Variants in NRG1 observed in about 807,000 individuals in gnomAD.
NRG1 encodes the protein pro-neuregulin-1, membrane-bound isoform.
NRG1 carries 18 observed loss-of-function variants against 63.8 expected under a neutral mutation model. That is an observed-to-expected ratio of 0.28 (90% CI 0.19 to 0.42). The LOEUF (loss-of-function observed/expected upper bound fraction) is 0.42. Ranked by LOEUF, NRG1 falls within the 10% of genes least tolerant of loss-of-function variation. NRG1 has a pLI of 1.00. For synonymous variants in NRG1, 302 were observed against 301.3 expected (o/e 1.00, Z -0.02); for missense variants, 762 against 814.7 (o/e 0.94, Z 0.79).
intron 1 of NRG1, among the ~76,000 whole-genome samples, chr8:32,213,187 CA>C (rs1844862396): frequency 6.6e-6 from 1 of 152,080 alleles, no homozygotes. Context: ...GCACTCTTCA[CA>C]ATAGCAAAGA....
At chr8:32,190,849 G>C (rs560672012) in intron 1 of NRG1, among the ~76,000 whole-genome samples, 47 of 152,292 alleles carry the variant, frequency 3.1e-4, no homozygotes, top group African/African-American at 1.1e-3. Context: ...GTCCCATGGG[G>C]CAAAGGGAAG....
chr8:31,978,997 A>C (rs1246918605), intron 1 of NRG1, among the ~76,000 whole-genome samples: 1 of 152,152 alleles, frequency 6.6e-6, no homozygotes, highest in Non-Finnish European at 1.5e-5. Flanking sequence ...GCCTTCAGTG[A>C]CTTTGATAAC....
intron 1 of NRG1, among the ~76,000 whole-genome samples, chr8:32,496,543 T>C (rs1227203164): frequency 2.0e-5 from 3 of 152,058 alleles, no homozygotes; most frequent in African/African-American, 7.2e-5. Context: ...TGAGCTATGA[T>C]TGAGCCACTG....
At chr8:31,888,957 G>C (rs1563529723) in intron 1 of NRG1, among the ~76,000 whole-genome samples, 1 of 152,128 alleles carries the variant, frequency 6.6e-6, no homozygotes, top group Non-Finnish European at 1.5e-5. Flanking sequence ...TGGTTTTTCA[G>C]GGTGAAGCAT....
chr8:31,929,993 A>G (rs1834734126), intron 1 of NRG1, among the ~76,000 whole-genome samples: 1 of 152,146 alleles, frequency 6.6e-6, no homozygotes, highest in Non-Finnish European at 1.5e-5. Context: ...TTCTCCAGGC[A>G]GTATGCCTTG....
Position 31,910,491 on chromosome 8 carries a change from A to G in NRG1, c.37+271060A>G, listed in dbSNP as rs185663917. 1.3e-3 allele frequency among the ~76,000 whole-genome samples: 194 copies of G among 152,290 alleles called. 1 individual carries two copies. In the East Asian group the frequency reaches 0.015, roughly 11 times the overall value. ...TATATGAGTGGAAGAGACATGAAAA[A>G]GACCAGTTAGAAGGCTACCAGAACA... On this transcript the variant is annotated intron_variant, in intron 1 of 10. Transcript: ENST00000519301.
rs191554081 is a variant in NRG1, at chr8:32,288,746, G to C, written c.38-307082G>C. The stretch of plus-strand genomic sequence containing the variant: ...TGCATCGTCAGCGTGAGGAAGGGGA[G>C]GGGGAGGTAAGATTCTGGACAGCTG... On this transcript the variant is annotated intron_variant, in intron 1 of 10. Coordinates refer to the NRG1 transcript ENST00000519301. Among the ~76,000 whole-genome samples, 6 of 152,260 alleles carry C rather than the reference G, an allele frequency of 3.9e-5. No individual in the cohort carries two copies. The East Asian group carries it at 7.7e-4, about 20-fold the overall frequency.
chr8:32,640,820 G>T (rs191731056), intron 5 of NRG1, among the ~76,000 whole-genome samples: 3 of 152,108 alleles, frequency 2.0e-5, no homozygotes, highest in Admixed American at 2.0e-4. Flanking sequence ...ATATCGGCAG[G>T]CGTGGTGGCT....
chr8:31,718,856 G>A (rs949032777), intron 1 of NRG1, among the ~76,000 whole-genome samples: 1 of 152,134 alleles, frequency 6.6e-6, no homozygotes, highest in Non-Finnish European at 1.5e-5. Flanking sequence ...TGTTTATATT[G>A]TAGGTTCTTG....
At chr8:32,508,333 C>T (rs1010212189) in intron 1 of NRG1, among the ~76,000 whole-genome samples, 7 of 151,862 alleles carry the variant, frequency 4.6e-5, no homozygotes, top group South Asian at 4.2e-4. Flanking sequence ...CACTGTCGCC[C>T]GGGCTGGAGT....
chr8:31,743,887 C>G (rs1219369108), intron 1 of NRG1, among the ~76,000 whole-genome samples: 1 of 151,820 alleles, frequency 6.6e-6, no homozygotes, highest in Non-Finnish European at 1.5e-5. Context: ...AAATGTGGTG[C>G]CTTACCTTGG....
At chr8:32,702,840 A>G (rs1194521166) in intron 5 of NRG1, among the ~76,000 whole-genome samples, 1 of 152,170 alleles carries the variant, frequency 6.6e-6, no homozygotes, top group Non-Finnish European at 1.5e-5. Context: ...GGGAGGAGTC[A>G]AGAAAATGAG....
intron 1 of NRG1, among the ~76,000 whole-genome samples, chr8:32,508,294 CA>C (rs1210549697): frequency 4.9e-5 from 5 of 102,998 alleles, no homozygotes; most frequent in Admixed American, 1.8e-4. Flanking sequence ...ATATAAGGGC[CA>C]TTTTTTTTTT....
chr8:32,503,721 C>T (rs1009564262), intron 1 of NRG1, among the ~76,000 whole-genome samples: 2 of 152,182 alleles, frequency 1.3e-5, no homozygotes, highest in Admixed American at 1.3e-4. Context: ...AGCATCCTTA[C>T]ATCTTGCCTC....
intron 5 of NRG1, among the ~76,000 whole-genome samples, chr8:32,649,404 T>G (rs1057499593): frequency 1.3e-5 from 2 of 152,216 alleles, no homozygotes; most frequent in Non-Finnish European, 2.9e-5. Flanking sequence ...AGTTTATTTT[T>G]GTTGTCTCTA....
intron 1 of NRG1, among the ~76,000 whole-genome samples, chr8:32,542,903 G>A (rs1832712344): frequency 6.6e-6 from 1 of 152,148 alleles, no homozygotes; most frequent in African/African-American, 2.4e-5. Context: ...TTAGTGAAGA[G>A]GCATAAAAGA....
chr8:32,189,308 C>T (rs996907918), intron 1 of NRG1, among the ~76,000 whole-genome samples: 1 of 152,020 alleles, frequency 6.6e-6, no homozygotes, highest in Non-Finnish European at 1.5e-5. Context: ...TGTTTAGCTC[C>T]CACTTATAAG....
chr8:32,265,299 C>T (rs1384127536), intron 1 of NRG1, among the ~76,000 whole-genome samples: 1 of 151,984 alleles, frequency 6.6e-6, no homozygotes, highest in Non-Finnish European at 1.5e-5. Context: ...TGTACCACTG[C>T]ACTCCAGCCT....
chr8:32,075,975 A>G (rs1033340028), intron 1 of NRG1, among the ~76,000 whole-genome samples: 5 of 152,150 alleles, frequency 3.3e-5, no homozygotes, highest in African/African-American at 7.2e-5. Flanking sequence ...GCTCGGCCAC[A>G]TGTTTTTAAC....
Sources: gnomAD v4.1 joint callset for allele counts (sites outside exome capture counted in the v4.1 genomes callset) on GRCh38, gnomAD v4.1.1 for gene constraint, MANE v1.5 for transcripts, NCBI Gene and HGNC (gene_info 2026-07-23, HGNC 2026-07-21) for gene names.